Variants in DCC observed in about 807,000 individuals in gnomAD.
DCC encodes the protein netrin receptor DCC.
In DCC, 58 loss-of-function variants were observed where a neutral mutation model predicts 172.5. The ratio of observed to expected loss-of-function variants is 0.34; its 90% CI spans 0.27 to 0.42. DCC has a LOEUF of 0.42. Ranked by LOEUF, DCC falls within the 10% of genes least tolerant of loss-of-function variation. The probability of loss-of-function intolerance (pLI) is 1.00; values close to 1 mark genes in which losing one functional copy is unlikely to be tolerated. For synonymous variants in DCC, 709 were observed against 644.5 expected, an observed-to-expected ratio of 1.10 and a Z score of -1.52; for missense variants, 1,740 against 1,791.0, an observed-to-expected ratio of 0.97 and a Z score of 0.51.
intron 1 of DCC, among the ~76,000 whole-genome samples, chr18:52,559,500 G>T (rs1271596700): frequency 6.6e-6 from 1 of 152,040 alleles, no homozygotes; most frequent in Non-Finnish European, 1.5e-5. Flanking sequence ...TGCCATAAAG[G>T]ATCCAGACAG....
At chr18:53,511,658 G>A (rs1442871591) in intron 27 of DCC, among the ~76,000 whole-genome samples, 1 of 152,206 alleles carries the variant, frequency 6.6e-6, no homozygotes, top group Non-Finnish European at 1.5e-5. Context: ...GAAGCGCAAG[G>A]GGTCAGGGAG....
chr18:53,259,252 T>G (rs538218109), intron 12 of DCC, among the ~76,000 whole-genome samples: 91 of 152,300 alleles, frequency 6.0e-4, no homozygotes, highest in African/African-American at 2.2e-3. Context: ...ATCCTGTCAT[T>G]ATGATGTTAG....
chr18:53,354,122 A>G (rs576354443), intron 15 of DCC, among the ~76,000 whole-genome samples: 2 of 152,288 alleles, frequency 1.3e-5, no homozygotes, highest in Non-Finnish European at 2.9e-5. Flanking sequence ...ATAGTATCCC[A>G]TGGTGTATAT....
chr18:52,952,430 A>G (rs549101932), intron 5 of DCC, among the ~76,000 whole-genome samples: 1 of 152,168 alleles, frequency 6.6e-6, no homozygotes, highest in Non-Finnish European at 1.5e-5. Flanking sequence ...AAATGTGTGG[A>G]GGGAGAAGAC....
chr18:53,405,971 A>C (rs957299660), intron 19 of DCC, among the ~76,000 whole-genome samples: 3 of 152,202 alleles, frequency 2.0e-5, no homozygotes, highest in Admixed American at 6.5e-5. Flanking sequence ...AGTGATTTGC[A>C]GCTGAGATTT....
At chr18:53,486,664 A>G (rs1439700283) in intron 25 of DCC, 133 bp from the exon 26 acceptor site, 2 of 1,162,900 alleles carry the variant, frequency 1.7e-6, no homozygotes, top group African/African-American at 1.5e-5. Context: ...GGAGAGAGGT[A>G]AGTAAGGGAA....
In DCC at chr18:52,752,203, C is replaced by T. The variant is rs1568081823; in HGVS notation, c.241C>T (p.Leu81=). Residue 81 remains leucine, a synonymous_variant, in exon 2 of 29, where the codon CTG becomes TTG. Coordinates refer to ENST00000442544, the MANE Select transcript of DCC (RefSeq NM_005215.4). ...VIKWKKDGIH[L]ALGMDERKQQ... ...CAAGTGGAAGAAAGATGGCATTCATCTGGCCTTGGGAATGGATGAAAGGAA... is the reference window on the plus strand; with the variant it reads ...CAAGTGGAAGAAAGATGGCATTCATTTGGCCTTGGGAATGGATGAAAGGAA... 1 of 1,614,170 alleles carries T rather than the reference C, an allele frequency of 6.2e-7. No individual in the cohort carries two copies. Among genetic ancestry groups the T allele is most frequent in the Non-Finnish European group, 8.5e-7 (1 of 1,180,038 alleles).
chr18:53,304,902 C>A (rs1024884256), intron 12 of DCC, among the ~76,000 whole-genome samples: 3 of 152,148 alleles, frequency 2.0e-5, no homozygotes, highest in African/African-American at 7.2e-5. Flanking sequence ...AATTGTAGCT[C>A]CCATAATTCC....
chr18:52,386,557 A>G (rs1029793332), intron 1 of DCC, among the ~76,000 whole-genome samples: 2 of 152,082 alleles, frequency 1.3e-5, no homozygotes, highest in African/African-American at 4.8e-5. Context: ...TATATTAATT[A>G]ACCAAGCTAA....
At chr18:52,348,116 A>C (rs1232303946) in intron 1 of DCC, among the ~76,000 whole-genome samples, 10 of 152,184 alleles carry the variant, frequency 6.6e-5, no homozygotes, top group Non-Finnish European at 1.2e-4. Flanking sequence ...ATTTTGCTGA[A>C]CGTTAAGTAT....
Position 52,875,922 on chromosome 18 carries a change from G to T in DCC, c.413-30122G>T, listed in dbSNP as rs138405710. 2.0e-5 allele frequency among the ~76,000 whole-genome samples: 3 copies of T among 152,264 alleles called. No homozygotes were observed. In the East Asian group the frequency reaches 5.8e-4, roughly 29 times the overall value. On this transcript the variant is annotated intron_variant, in intron 2 of 28. Coordinates refer to ENST00000442544, the MANE Select transcript of DCC (RefSeq NM_005215.4). ...CTTTATCGGGCACCTGCCCAAGGAT[G>T]AAGAAATCATAACTCATAATGACTT... is the stretch of plus-strand genomic sequence containing the variant.
At chr18:52,544,934 C>T (rs1192959859) in intron 1 of DCC, among the ~76,000 whole-genome samples, 1 of 152,134 alleles carries the variant, frequency 6.6e-6, no homozygotes, top group East Asian at 1.9e-4. Flanking sequence ...AAATACTGCA[C>T]TGTATTATGC....
chr18:53,309,486 A>C (rs917518220), intron 13 of DCC, among the ~76,000 whole-genome samples: 2 of 152,178 alleles, frequency 1.3e-5, no homozygotes, highest in African/African-American at 4.8e-5. Flanking sequence ...CATGAATTCT[A>C]GGGGGATACC....
rs1375446453 is a variant in DCC, at chr18:53,532,544, T to C, written c.*1891T>C. 1 of 152,230 alleles carries C rather than the reference T, an allele frequency of 6.6e-6. No homozygotes were observed. The highest frequency in any genetic ancestry group is 1.5e-5 in the Non-Finnish European group (1 of 68,048). 9.4% of individuals were successfully genotyped at this position (152,230 alleles called of 1,614,324 possible). A position where few individuals can be genotyped will look rare whatever the true frequency, so the allele number is the denominator to read the frequency against. ...CTGGGCACTTAGGTAGACAACCTTCTACTGACCTGGAATAAAGTGTTTCCT... is the reference window on the plus strand; with the variant it reads ...CTGGGCACTTAGGTAGACAACCTTCCACTGACCTGGAATAAAGTGTTTCCT... On this transcript the variant is annotated 3_prime_UTR_variant, in exon 29 of 29. Transcript: ENST00000442544.
chr18:53,085,117 A>C (rs114898085), intron 7 of DCC, among the ~76,000 whole-genome samples: 25 of 152,310 alleles, frequency 1.6e-4, no homozygotes, highest in African/African-American at 5.5e-4. Context: ...AGAAGGAAAC[A>C]GTCCCCACTG....
intron 8 of DCC, among the ~76,000 whole-genome samples, chr18:53,170,362 GCTCA>G (rs1463783303): frequency 1.3e-5 from 2 of 152,186 alleles, no homozygotes; most frequent in East Asian, 3.8e-4. Flanking sequence ...GTGTAGTTAT[GCTCA>G]CTCTTTTTGT....
At chr18:53,137,322 G>T (rs1181143438) in intron 7 of DCC, among the ~76,000 whole-genome samples, 3 of 152,164 alleles carry the variant, frequency 2.0e-5, no homozygotes, top group African/African-American at 7.2e-5. Flanking sequence ...GAATTCTTCT[G>T]CATGTGGCCA....
chr18:53,333,437 C>T (rs1190639509), intron 14 of DCC, among the ~76,000 whole-genome samples: 2 of 152,178 alleles, frequency 1.3e-5, no homozygotes, highest in Non-Finnish European at 2.9e-5. Context: ...GAATATTTGT[C>T]AAAAGTTCCA....
chr18:52,359,698 G>A (rs1332784231), intron 1 of DCC, among the ~76,000 whole-genome samples: 1 of 152,074 alleles, frequency 6.6e-6, no homozygotes. Context: ...ATATAATCTT[G>A]GGATTGTTTC....
Sources: allele counts gnomAD v4.1 joint callset (sites outside exome capture counted in the v4.1 genomes callset), GRCh38; gene constraint gnomAD v4.1.1; transcripts MANE v1.5; gene names NCBI Gene and HGNC (gene_info 2026-07-23, HGNC 2026-07-21).